RALGPS2: variants seen among roughly 807,000 people sequenced by gnomAD.
The protein encoded by RALGPS2 is ras-specific guanine nucleotide-releasing factor RalGPS2.
A neutral mutation model predicts 86.8 loss-of-function variants in RALGPS2; 43 were observed. The ratio of observed to expected loss-of-function variants is 0.50; its 90% CI spans 0.39 to 0.64. The LOEUF (loss-of-function observed/expected upper bound fraction) is 0.64, where lower values mean the gene tolerates loss of function less well. RALGPS2 is among the 30% of genes least tolerant of loss of function. RALGPS2 has a pLI of 0.00. For synonymous variants in RALGPS2, 243 were observed against 231.3 expected (o/e 1.05, Z -0.46); for missense variants, 536 against 694.6 (o/e 0.77, Z 2.57).
intron 17 of RALGPS2, among the ~76,000 whole-genome samples, chr1:178,899,800 T>C (rs1204314612): frequency 1.3e-5 from 2 of 151,818 alleles, no homozygotes; most frequent in East Asian, 3.9e-4. Context: ...ACAGGAGGAC[T>C]GTTCTAGATT....
intron 6 of RALGPS2, among the ~76,000 whole-genome samples, chr1:178,820,108 A>T (rs143134581): frequency 4.9e-4 from 75 of 152,316 alleles, no homozygotes; most frequent in African/African-American, 1.7e-3. Context: ...GGAGCAAAAC[A>T]TGTAATTATT....
intron 4 of RALGPS2, among the ~76,000 whole-genome samples, chr1:178,807,589 T>G (rs953478567): frequency 4.6e-5 from 7 of 152,222 alleles, no homozygotes; most frequent in Admixed American, 3.9e-4. Context: ...TTTTGTATTC[T>G]GTCGACAGGC....
chr1:178,750,221 A>G (rs766209578), intron 1 of RALGPS2, among the ~76,000 whole-genome samples: 3 of 152,202 alleles, frequency 2.0e-5, no homozygotes, highest in Non-Finnish European at 4.4e-5. Flanking sequence ...ATTAAAATCT[A>G]CACTTTGCAG....
intron 1 of RALGPS2, among the ~76,000 whole-genome samples, chr1:178,761,654 A>G (rs967942115): frequency 1.5e-4 from 22 of 151,416 alleles, no homozygotes; most frequent in Non-Finnish European, 2.9e-4. Context: ...TCCGCCTTCC[A>G]GGTTCAAGTG....
At chr1:178,816,638 T>C (rs1391296127) in intron 6 of RALGPS2, among the ~76,000 whole-genome samples, 1 of 152,094 alleles carries the variant, frequency 6.6e-6, no homozygotes. Context: ...GTTTAATAAA[T>C]CTTTTCTTAA....
intron 8 of RALGPS2, among the ~76,000 whole-genome samples, chr1:178,837,191 C>G (rs1352215972): frequency 6.6e-6 from 1 of 152,180 alleles, no homozygotes; most frequent in Non-Finnish European, 1.5e-5. Context: ...TTGTATATCA[C>G]TGTATATTTT....
At chr1:178,901,647 C>G (rs1660177268) in intron 17 of RALGPS2, among the ~76,000 whole-genome samples, 1 of 150,390 alleles carries the variant, frequency 6.6e-6, no homozygotes, top group African/African-American at 2.5e-5. Context: ...GAGATCACAC[C>G]ACTGCACCAC....
intron 4 of RALGPS2, 48 bp downstream of exon 4, chr1:178,785,655 C>A: frequency 6.6e-7 from 1 of 1,521,256 alleles, no homozygotes; most frequent in South Asian, 1.3e-5. Flanking sequence ...AACGATCAAT[C>A]TCAAATTAAG....
chr1:178,751,503 GA>G (rs1651656713), intron 1 of RALGPS2, among the ~76,000 whole-genome samples: 1 of 152,102 alleles, frequency 6.6e-6, no homozygotes, highest in Non-Finnish European at 1.5e-5. Context: ...ATAACCTTCT[GA>G]ACCTCTTTAA....
intron 8 of RALGPS2, chr1:178,852,621 A>C (rs1657248142): frequency 1.3e-6 from 2 of 1,519,310 alleles, no homozygotes; most frequent in East Asian, 4.5e-5. Flanking sequence ...ATATATTAGT[A>C]GATTCTATTT....
chr1:178,769,246 C>G (rs1370030612), intron 1 of RALGPS2, among the ~76,000 whole-genome samples: 2 of 151,072 alleles, frequency 1.3e-5, no homozygotes, highest in African/African-American at 4.9e-5. Context: ...GCTTTGAATG[C>G]CTGGAGATCT....
rs1647267994 is a variant in RALGPS2 at position 178,920,594 on chromosome 1, C to T, written c.*4235C>T. 6.6e-6 allele frequency: 1 copy of T among 151,918 alleles called. No homozygotes were observed. The highest frequency in any genetic ancestry group is 1.5e-5 in the Non-Finnish European group (1 of 67,886). 9.4% of individuals were successfully genotyped at this position (151,918 alleles called of 1,614,324 possible). A position where few individuals can be genotyped will look rare whatever the true frequency, so the allele number is the denominator to read the frequency against. On this transcript the variant is annotated 3_prime_UTR_variant, in exon 20 of 20. Transcript: ENST00000367635. ...AAACAAGCTCCTACCCTGCTTCTAT[C>T]CTTTTAGAGTAGGAGATTAAAAATA... is the stretch of plus-strand genomic sequence containing the variant.
At position 178,776,749 on chromosome 1, in the gene RALGPS2, G is replaced by C. The variant is rs750012389; in HGVS notation, c.-16G>C. On this transcript the variant is annotated 5_prime_UTR_variant, in exon 2 of 20. Transcript: ENST00000367635. ...CTGTTGCTGTTAACATAAGGTCAGG[G>C]ACTGATGAGGAAAGCATGGACCTAA... 8.0e-5 allele frequency: 129 copies of C among 1,609,004 alleles called. No homozygotes were observed. The highest frequency in any genetic ancestry group is 1.1e-4 in the Non-Finnish European group (129 of 1,176,542).
intron 6 of RALGPS2, among the ~76,000 whole-genome samples, chr1:178,816,039 C>T (rs1202986277): frequency 6.6e-6 from 1 of 152,098 alleles, no homozygotes; most frequent in Non-Finnish European, 1.5e-5. Context: ...CTGTTATGAA[C>T]ATTTTTGTGG....
intron 8 of RALGPS2, chr1:178,850,458 T>G (rs2102288787): frequency 6.6e-6 from 1 of 152,350 alleles, no homozygotes; most frequent in Non-Finnish European, 1.5e-5. Context: ...ATTCATAGAT[T>G]TGTCTTTATA....
intron 10 of RALGPS2, among the ~76,000 whole-genome samples, chr1:178,881,740 C>T (rs991294929): frequency 1.3e-5 from 2 of 152,092 alleles, no homozygotes; most frequent in Admixed American, 6.5e-5. Flanking sequence ...CGTGAGCCAC[C>T]GCACTCACTG....
chr1:178,764,881 G>A (rs375668819), intron 1 of RALGPS2, among the ~76,000 whole-genome samples: 1 of 152,094 alleles, frequency 6.6e-6, no homozygotes, highest in African/African-American at 2.4e-5. Flanking sequence ...ATTGGATCAT[G>A]GGGGTGGTTT....
chr1:178,769,149 G>A (rs1652658677), intron 1 of RALGPS2, among the ~76,000 whole-genome samples: 1 of 152,120 alleles, frequency 6.6e-6, no homozygotes, highest in African/African-American at 2.4e-5. Flanking sequence ...AGGTCTTCCT[G>A]GCCATAGAGC....
chr1:178,914,383 T>C (rs1011022062), intron 19 of RALGPS2, among the ~76,000 whole-genome samples: 1 of 151,968 alleles, frequency 6.6e-6, no homozygotes, highest in Non-Finnish European at 1.5e-5. Flanking sequence ...GTGGTGAGAG[T>C]GGGCCATTCC....
Sources: allele counts gnomAD v4.1 joint callset (sites outside exome capture counted in the v4.1 genomes callset), GRCh38; gene constraint gnomAD v4.1.1; transcripts MANE v1.5; gene names NCBI Gene and HGNC (gene_info 2026-07-23, HGNC 2026-07-21).